The following KDM4B variants were observed in gnomAD, a reference collection of about 807,000 sequenced individuals.
The protein encoded by KDM4B is lysine-specific demethylase 4B.
Under a neutral mutation model 125.2 loss-of-function variants are expected in KDM4B, and 32 were observed. The observed-to-expected ratio is 0.26, with a 90% confidence interval of 0.19 to 0.34. KDM4B has a LOEUF of 0.34. Ranked by LOEUF, KDM4B falls within the 10% of genes least tolerant of loss-of-function variation. The pLI is 1.00. For missense variants in KDM4B, 1,190 were observed against 1,577.7 expected (o/e 0.75, Z 4.16); for synonymous variants, 721 against 677.9 (o/e 1.06, Z -0.99).
chr19:5,068,155 G>A (rs1440681999), intron 6 of KDM4B, among the ~76,000 whole-genome samples: 2 of 150,574 alleles, frequency 1.3e-5, no homozygotes, highest in African/African-American at 2.5e-5. Context: ...GCATGGCCCC[G>A]AGCAGGGACT....
At chr19:4,988,211 C>G (rs2034907403) in intron 1 of KDM4B, among the ~76,000 whole-genome samples, 1 of 152,378 alleles carries the variant, frequency 6.6e-6, no homozygotes, top group South Asian at 2.1e-4. Context: ...ATGCCAGTCA[C>G]AAGCCCCAGG....
At chr19:5,013,711 C>T (rs557316261) in intron 1 of KDM4B, among the ~76,000 whole-genome samples, 93 of 152,316 alleles carry the variant, frequency 6.1e-4, no homozygotes, top group Middle Eastern at 3.4e-3. Flanking sequence ...TTCCGCCTCC[C>T]GGATCATCCC....
Position 5,114,290 on chromosome 19 carries a change from T to G in KDM4B, c.1115+3472T>G. On this transcript the variant is annotated intron_variant, in intron 10 of 22. Coordinates refer to ENST00000159111, the MANE Select transcript of KDM4B (RefSeq NM_015015.3). This position sits in a 1 kb window ranked among gnomAD's most constrained non-coding sequence, Gnocchi z 5.8. ...GCCTCCCTGGCCCACTGCTGCTCTG[T>G]GAGCCCGGCTGGGCCCAGGCCTCGT... 8.2e-7 allele frequency: 1 copy of G among 1,226,342 alleles called. No individual in the cohort carries two copies. Among genetic ancestry groups the G allele is most frequent in the South Asian group, 1.3e-5 (1 of 79,754 alleles). The allele number at this position is 1,226,342 out of a possible 1,614,324, so 76.0% of individuals were successfully genotyped here. A position where few individuals can be genotyped will look rare whatever the true frequency, so the allele number is the denominator to read the frequency against.
intron 21 of KDM4B, among the ~76,000 whole-genome samples, chr19:5,146,833 C>T (rs556340378): frequency 5.0e-4 from 65 of 130,888 alleles, no homozygotes; most frequent in African/African-American, 1.8e-3. Flanking sequence ...CTCAGCTACT[C>T]GGGATGCTGA....
At chr19:5,098,652 G>A (rs183610404) in intron 9 of KDM4B, among the ~76,000 whole-genome samples, 1 of 152,276 alleles carries the variant, frequency 6.6e-6, no homozygotes, top group East Asian at 1.9e-4. Flanking sequence ...TAGGGTGATG[G>A]TATTAAGAGA....
At chr19:5,134,325 T>C (rs2039610830) in intron 14 of KDM4B, among the ~76,000 whole-genome samples, 1 of 152,142 alleles carries the variant, frequency 6.6e-6, no homozygotes, top group South Asian at 2.1e-4. Context: ...TCGGGGTCAC[T>C]GCCCTCAGGG....
rs906610906 is a variant in KDM4B, at chr19:5,035,407, C to T, written c.141+2376C>T. 2.0e-5 allele frequency among the ~76,000 whole-genome samples: 3 copies of T among 152,150 alleles called. No homozygotes were observed. The highest frequency in any genetic ancestry group is 2.9e-5 in the Non-Finnish European group (2 of 68,032). On this transcript the variant is annotated intron_variant, in intron 3 of 22. Transcript: ENST00000159111. This position sits in a 1 kb window ranked among gnomAD's most constrained non-coding sequence, Gnocchi z 5.3. ...CTCTTCCGAGGTGCCTTTAAATGCC[C>T]GCCCCGTCACTTCTTCCTCATCCCT...
chr19:5,050,174 A>C (rs899495495), intron 6 of KDM4B, among the ~76,000 whole-genome samples: 3 of 152,244 alleles, frequency 2.0e-5, no homozygotes, highest in African/African-American at 7.2e-5. Flanking sequence ...CAATGTACTC[A>C]GGTTTACAGC....
intron 2 of KDM4B, among the ~76,000 whole-genome samples, chr19:5,018,482 G>A (rs2035961716): frequency 6.6e-6 from 1 of 152,244 alleles, no homozygotes; most frequent in South Asian, 2.1e-4. Flanking sequence ...TGAAGGAGAG[G>A]AGGAGCTCAG....
intron 9 of KDM4B, among the ~76,000 whole-genome samples, chr19:5,107,980 G>A (rs1358592220): frequency 6.6e-6 from 1 of 152,218 alleles, no homozygotes; most frequent in African/African-American, 2.4e-5. Context: ...CCTCCTTCCA[G>A]TCCAGCCGTG....
At chr19:5,045,089 G>A (rs111304931) in intron 5 of KDM4B, among the ~76,000 whole-genome samples, 3 of 152,188 alleles carry the variant, frequency 2.0e-5, no homozygotes, top group African/African-American at 4.8e-5. Flanking sequence ...GGACCACGTG[G>A]TGAGAGGACG....
At chr19:5,109,439 G>T (rs547728450) in intron 9 of KDM4B, among the ~76,000 whole-genome samples, 1 of 152,168 alleles carries the variant, frequency 6.6e-6, no homozygotes, top group Non-Finnish European at 1.5e-5. Context: ...CCAAAGTGAC[G>T]CAGCGGCAGA....
At chr19:5,138,774 C>T (rs866327215) in intron 18 of KDM4B, among the ~76,000 whole-genome samples, 1 of 152,222 alleles carries the variant, frequency 6.6e-6, no homozygotes, top group Non-Finnish European at 1.5e-5. Context: ...CTCTGCGGCC[C>T]GCTCACCCGT....
rs544563052 is a variant in KDM4B at position 4,999,170 on chromosome 19, C to T, written c.-108-17087C>T. ...CGTTTATTAGTTGATGTCTCCTATA[C>T]AGGACAGCTGTCCCTTGTTCCTTTC... is the stretch of plus-strand genomic sequence containing the variant. On this transcript the variant is annotated intron_variant, in intron 1 of 22. Coordinates refer to ENST00000159111, the MANE Select transcript of KDM4B (RefSeq NM_015015.3). Among the ~76,000 whole-genome samples the T allele has an allele frequency of 3.3e-5, 5 of 152,326 alleles. No individual in the cohort carries two copies. The South Asian group carries it at 8.3e-4, about 25-fold the overall frequency.
chr19:4,983,226 C>A (rs1343038874), intron 1 of KDM4B, among the ~76,000 whole-genome samples: 2 of 151,162 alleles, frequency 1.3e-5, no homozygotes, highest in Admixed American at 1.3e-4. Context: ...TGGGGAGGGC[C>A]CTGGCCCCGG....
chr19:5,119,874 C>T (rs1448702543), intron 11 of KDM4B, 22 bp downstream of exon 11: 2 of 1,543,190 alleles, frequency 1.3e-6, no homozygotes, highest in African/African-American at 1.4e-5. Flanking sequence ...CCGGGCCAGG[C>T]CTGGCACCGC....
chr19:5,105,225 G>C (rs1159920375), intron 9 of KDM4B, among the ~76,000 whole-genome samples: 1 of 152,258 alleles, frequency 6.6e-6, no homozygotes, highest in Non-Finnish European at 1.5e-5. Context: ...TCCCGGCAGG[G>C]GCAGTCAGAG....
At chr19:5,123,853 C>G (rs891356489) in intron 11 of KDM4B, among the ~76,000 whole-genome samples, 1 of 152,126 alleles carries the variant, frequency 6.6e-6, no homozygotes, top group African/African-American at 2.4e-5. Flanking sequence ...GAGCCCCAGG[C>G]GAGGTCGGCA....
At chr19:5,038,048 T>A (rs1212050886) in intron 3 of KDM4B, among the ~76,000 whole-genome samples, 1 of 152,254 alleles carries the variant, frequency 6.6e-6, no homozygotes, top group Admixed American at 6.5e-5. Flanking sequence ...GATGCAGGCG[T>A]CAACACACAG....
Sources: allele counts gnomAD v4.1 joint callset (sites outside exome capture counted in the v4.1 genomes callset), GRCh38; gene constraint gnomAD v4.1.1; non-coding constraint Gnocchi (gnomAD v3.1); transcripts MANE v1.5; gene names NCBI Gene and HGNC (gene_info 2026-07-23, HGNC 2026-07-21).